KANSL2: variants seen among roughly 807,000 people sequenced by gnomAD.
KANSL2 encodes the protein KAT8 regulatory NSL complex subunit 2, also known as NSL complex protein NSL2.
KANSL2 carries 34 observed loss-of-function variants against 55.6 expected under a neutral mutation model. That is an observed-to-expected ratio of 0.61 (90% CI 0.46 to 0.81). KANSL2 has a LOEUF of 0.81. Among genes scored for constraint, KANSL2 ranks in the 40% least tolerant of loss-of-function variants. The pLI is 0.00. For missense variants in KANSL2, 502 were observed against 609.9 expected (o/e 0.82, Z 1.86); for synonymous variants, 209 against 214.3 (o/e 0.98, Z 0.22).
intron 7 of KANSL2, among the ~76,000 whole-genome samples, chr12:48,663,711 T>C (rs1402644491): frequency 6.6e-6 from 1 of 152,146 alleles, no homozygotes; most frequent in Non-Finnish European, 1.5e-5. Flanking sequence ...CATATAAACA[T>C]ATAAAATATG....
intron 5 of KANSL2, among the ~76,000 whole-genome samples, chr12:48,671,340 ACT>A (rs562092808): frequency 2.0e-3 from 297 of 152,238 alleles, no homozygotes; most frequent in African/African-American, 6.8e-3. Context: ...TATTGAAGAA[ACT>A]TTTTTTATAA....
At position 48,682,216 on chromosome 12, in the gene KANSL2, C is replaced by CGGCG; in HGVS notation, c.-40_-39insCGCC. 1 of 647,918 alleles carries CGGCG rather than the reference C, an allele frequency of 1.5e-6. No individual in the cohort carries two copies. The highest frequency in any genetic ancestry group is 2.7e-5 in the East Asian group (1 of 36,710). The allele number at this position is 647,918 out of a possible 1,614,324, so 40.1% of individuals were successfully genotyped here. On this transcript the variant is annotated 5_prime_UTR_variant, in exon 1 of 10. Coordinates refer to ENST00000420613, the MANE Select transcript of KANSL2 (RefSeq NM_017822.4). Reference sequence around the variant, plus strand: ...GGAGCTGCGCTGCGCCGCACTCTGCCGCGCCGCTCGCCCTTCTCTAGTGGC... The same window carrying CGGCG: ...GGAGCTGCGCTGCGCCGCACTCTGCCGGCGGCGCCGCTCGCCCTTCTCTAGTGGC...
At position 48,660,474 on chromosome 12, in the gene KANSL2, G is replaced by A. The variant is rs763820416; in HGVS notation, c.1119C>T (p.Pro373=). The stretch of plus-strand genomic sequence containing the variant: ...CGTCTGGCACAGACAGTACCTGCTC[G>A]GGCTTATACATCTGAGGAGGCAACT... ...HFQLPPQMYK[P]EQVLSVPDDL... Residue 373 remains proline, a synonymous_variant, in exon 8 of 10, where the codon CCC becomes CCT. Transcript: ENST00000420613. 16 of 1,613,814 alleles carry A rather than the reference G, an allele frequency of 9.9e-6. No individual in the cohort carries two copies. The highest frequency in any genetic ancestry group is 8.9e-5 in the East Asian group (4 of 44,876).
At chr12:48,678,673 T>G (rs1481552596) in intron 4 of KANSL2, among the ~76,000 whole-genome samples, 1 of 152,188 alleles carries the variant, frequency 6.6e-6, no homozygotes, top group African/African-American at 2.4e-5. Context: ...TACAATCACA[T>G]TATTCCTGAG....
At chr12:48,673,390 T>A (rs1315337968) in intron 4 of KANSL2, among the ~76,000 whole-genome samples, 2 of 150,744 alleles carry the variant, frequency 1.3e-5, no homozygotes, top group Admixed American at 1.3e-4. Context: ...CGAAACCCCG[T>A]CTCTACTGAA....
chr12:48,672,004 A>C, intron 4 of KANSL2, 42 bp from the exon 5 acceptor site: 1 of 1,499,000 alleles, frequency 6.7e-7, no homozygotes, highest in South Asian at 1.3e-5. Context: ...GAAAACAATA[A>C]TAATAAAACC....
In KANSL2 at chr12:48,673,452, C is replaced by T. The variant is rs996186572; in HGVS notation, c.546-1490G>A. Among the ~76,000 whole-genome samples, 3 of 151,432 alleles carry T rather than the reference C, an allele frequency of 2.0e-5. No individual in the cohort carries two copies. The East Asian group carries it at 5.9e-4, about 30-fold the overall frequency. On this transcript the variant is annotated intron_variant, in intron 4 of 9. Coordinates refer to ENST00000420613, the MANE Select transcript of KANSL2 (RefSeq NM_017822.4). ...GTGGGCGCCTATAATCCCAGCTACT[C>T]GGGAGGCTGGGGCAGGAGAATTGCT... is the stretch of plus-strand genomic sequence containing the variant.
rs763820416 is a variant in KANSL2, at chr12:48,660,474, G to C, written c.1119C>G (p.Pro373=). 13 of 1,613,696 alleles carry C rather than the reference G, an allele frequency of 8.1e-6. No individual in the cohort carries two copies. The highest frequency in any genetic ancestry group is 2.2e-5 in the South Asian group (2 of 91,052). The part of the protein sequence containing the change: ...HFQLPPQMYK[P]EQVLSVPDDL... Reference sequence around the variant, plus strand: ...CGTCTGGCACAGACAGTACCTGCTCGGGCTTATACATCTGAGGAGGCAACT... The same window carrying C: ...CGTCTGGCACAGACAGTACCTGCTCCGGCTTATACATCTGAGGAGGCAACT... Residue 373 remains proline, a synonymous_variant, in exon 8 of 10, where the codon CCC becomes CCG. Coordinates refer to ENST00000420613, the MANE Select transcript of KANSL2 (RefSeq NM_017822.4).
At chr12:48,682,112 A>T (rs1408120885) in intron 1 of KANSL2, 75 bp downstream of exon 1, 1 of 702,972 alleles carries the variant, frequency 1.4e-6, no homozygotes, top group Non-Finnish European at 2.6e-6. Flanking sequence ...GCGGAGTAGC[A>T]GCTCTGAGCT....
chr12:48,655,617 CGGAGAATA>C (rs955049594), intron 8 of KANSL2, among the ~76,000 whole-genome samples: 5 of 150,544 alleles, frequency 3.3e-5, no homozygotes, highest in Middle Eastern at 6.8e-3. Context: ...AAAGTAGAAA[CGGAGAATA>C]GTAGGGAACA....
At chr12:48,662,909 G>C (rs1040807112) in intron 7 of KANSL2, among the ~76,000 whole-genome samples, 8 of 151,944 alleles carry the variant, frequency 5.3e-5, no homozygotes, top group African/African-American at 1.9e-4. Context: ...TAAAAGAACA[G>C]TGAAAAAAGG....
chr12:48,654,756 C>T (rs905228450), intron 9 of KANSL2, among the ~76,000 whole-genome samples, 185 bp downstream of exon 9: 3 of 152,170 alleles, frequency 2.0e-5, no homozygotes, highest in Non-Finnish European at 4.4e-5. Context: ...TACACAGGAG[C>T]AGAGTAGGGC....
chr12:48,681,609 G>C lies in KANSL2; in HGVS notation c.24C>G (p.Val8=), dbSNP rs377256398. 41 of 1,613,908 alleles carry C rather than the reference G, an allele frequency of 2.5e-5. No homozygotes were observed. The highest frequency in any genetic ancestry group is 3.3e-5 in the Non-Finnish European group (39 of 1,179,920). Residue 8 remains valine, a synonymous_variant, in exon 2 of 10, where the codon GTC becomes GTG. Coordinates refer to ENST00000420613, the MANE Select transcript of KANSL2 (RefSeq NM_017822.4). The stretch of plus-strand genomic sequence containing the variant: ...TGATCCTCCCCCGATTGGTTGGCAA[G>C]ACGTGAATCCGAATCCTGTTCATAA... MNRIRIH[V]LPTNRGRITP... is the part of the protein sequence containing the mutation.
chr12:48,669,019 G>GAGTGACA, intron 6 of KANSL2, 87 bp downstream of exon 6: 2 of 1,073,462 alleles, frequency 1.9e-6, no homozygotes, highest in Non-Finnish European at 2.5e-6. Flanking sequence ...ACTCCAGCCC[G>GAGTGACA]AGTGACAGTG....
chr12:48,664,018 G>A lies in KANSL2; in HGVS notation c.974-3399C>T, dbSNP rs555556342. On this transcript the variant is annotated intron_variant, in intron 7 of 9. Transcript: ENST00000420613. Reference sequence around the variant, plus strand: ...CCGCCTCCGCCTTCCGGGTTCAAGCGATTCTCCTGCCTCAGCCTCCCGAGT... The same window carrying A: ...CCGCCTCCGCCTTCCGGGTTCAAGCAATTCTCCTGCCTCAGCCTCCCGAGT... Among the ~76,000 whole-genome samples the A allele has an allele frequency of 1.3e-4, 19 of 146,456 alleles. 1 individual carries two copies. The highest frequency in any genetic ancestry group is 4.0e-4 in the African/African-American group (16 of 39,816).
intron 7 of KANSL2, among the ~76,000 whole-genome samples, chr12:48,662,092 T>C (rs920900673): frequency 4.6e-5 from 7 of 152,176 alleles, no homozygotes; most frequent in Non-Finnish European, 1.0e-4. Flanking sequence ...TAAAATATTA[T>C]CCATTAAATG....
At chr12:48,658,026 C>G (rs557839597) in intron 8 of KANSL2, among the ~76,000 whole-genome samples, 8 of 152,116 alleles carry the variant, frequency 5.3e-5, no homozygotes, top group Admixed American at 3.3e-4. Context: ...AGGCCAGGAG[C>G]TTGAGACCAG....
intron 4 of KANSL2, among the ~76,000 whole-genome samples, chr12:48,674,902 G>A (rs1428735557): frequency 6.7e-6 from 1 of 150,094 alleles, no homozygotes; most frequent in Non-Finnish European, 1.5e-5. Context: ...CTCCAGCCTG[G>A]GCGACAGAAC....
chr12:48,667,721 A>G lies in KANSL2; in HGVS notation c.945T>C (p.Ser315=). The change falls in exon 7 of 10, where the codon TCT becomes TCC. Residue 315 remains serine, a synonymous_variant. Coordinates refer to ENST00000420613, the MANE Select transcript of KANSL2 (RefSeq NM_017822.4). ...TAAGGCAGTGTCTGGTCATTGGAAGAGACTGATTGGAACAACGAACATCAT... is the reference window on the plus strand; with the variant it reads ...TAAGGCAGTGTCTGGTCATTGGAAGGGACTGATTGGAACAACGAACATCAT... ...FVDDVRCSNQ[S]LPMTRHCLTH... 6.2e-7 allele frequency: 1 copy of G among 1,613,924 alleles called. No individual in the cohort carries two copies. The highest frequency in any genetic ancestry group is 8.5e-7 in the Non-Finnish European group (1 of 1,179,794).
Sources: allele counts gnomAD v4.1 joint callset (sites outside exome capture counted in the v4.1 genomes callset), GRCh38; gene constraint gnomAD v4.1.1; transcripts MANE v1.5; gene names NCBI Gene and HGNC (gene_info 2026-07-23, HGNC 2026-07-21).